FAM98A: variants seen among roughly 807,000 people sequenced by gnomAD.
The protein encoded by FAM98A is tRNA splicing ligase complex subunit 3A, also known as protein FAM98A.
Under a neutral mutation model 62.9 loss-of-function variants are expected in FAM98A, and 25 were observed. The observed-to-expected ratio is 0.40, with a 90% CI of 0.29 to 0.56. The LOEUF (loss-of-function observed/expected upper bound fraction) is 0.56. FAM98A is among the 20% of genes least tolerant of loss of function. FAM98A has a pLI of 0.51. For synonymous variants in FAM98A, 252 were observed against 228.6 expected (o/e 1.10, Z -0.92); for missense variants, 653 against 640.7 (o/e 1.02, Z -0.21).
chr2:33,597,984 T>C (rs1314855379), intron 1 of FAM98A, among the ~76,000 whole-genome samples: 2 of 152,212 alleles, frequency 1.3e-5, no homozygotes, highest in Non-Finnish European at 2.9e-5. Context: ...TGAATGACTT[T>C]AACATATGCC....
At chr2:33,587,652 A>G (rs1677585807) in intron 4 of FAM98A, 1 of 271,274 alleles carries the variant, frequency 3.7e-6, no homozygotes, top group Admixed American at 4.6e-5. Context: ...AAATTTGTGC[A>G]TCATGGTGCT....
chr2:33,586,900 T>G (rs928960164), intron 5 of FAM98A: 2 of 541,374 alleles, frequency 3.7e-6, no homozygotes, highest in Middle Eastern at 4.9e-4. Flanking sequence ...CAATTCTTAT[T>G]TATCTTTCCC....
At chr2:33,598,377 T>G (rs1677863801) in intron 1 of FAM98A, among the ~76,000 whole-genome samples, 1 of 152,214 alleles carries the variant, frequency 6.6e-6, no homozygotes, top group African/African-American at 2.4e-5. Context: ...GGGTCCACGT[T>G]CTCAAGTTTA....
At chr2:33,596,673 C>A (rs972612002) in intron 1 of FAM98A, among the ~76,000 whole-genome samples, 1 of 151,996 alleles carries the variant, frequency 6.6e-6, no homozygotes, top group Non-Finnish European at 1.5e-5. Context: ...AGGTGGATCA[C>A]GAGGTCAGGA....
intron 3 of FAM98A, chr2:33,591,870 G>GA (rs1300857384): frequency 4.7e-6 from 2 of 427,230 alleles, no homozygotes; most frequent in East Asian, 3.6e-5. Context: ...CTGAAATATT[G>GA]AAAGAGTATC....
Position 33,585,462 on chromosome 2 carries a change from T to C in FAM98A, c.889-18A>G, listed in dbSNP as rs781376821. The C allele has an allele frequency of 1.9e-5, 30 of 1,613,330 alleles. No homozygotes were observed. Among genetic ancestry groups the C allele is most frequent in the Middle Eastern group, 1.6e-4 (1 of 6,082 alleles). The stretch of plus-strand genomic sequence containing the variant: ...ATCAACACCTACAGAATAGGAAAGA[T>C]ATTTTAAACTTTTATTTTATGAACA... On this transcript the variant is annotated intron_variant, in intron 7 of 7. Transcript: ENST00000238823.
Position 33,587,675 on chromosome 2 carries a change from A to G in FAM98A, c.523-355T>C, listed in dbSNP as rs549852767. 314 of 233,582 alleles carry G rather than the reference A, an allele frequency of 1.3e-3. 1 individual carries two copies. Among genetic ancestry groups the G allele is most frequent in the African/African-American group, 6.5e-3 (292 of 45,194 alleles). The allele number at this position is 233,582 out of a possible 1,614,324, so 14.5% of individuals were successfully genotyped here. On this transcript the variant is annotated intron_variant, in intron 4 of 7. Transcript: ENST00000238823. ...GCATCATGGTGCTGGTCTACCCCAC[A>G]ATGCAAATGTACCAATTCTTAAGAG...
chr2:33,598,670 G>C (rs777162268), intron 1 of FAM98A, among the ~76,000 whole-genome samples: 1 of 152,132 alleles, frequency 6.6e-6, no homozygotes, highest in Non-Finnish European at 1.5e-5. Context: ...CCATACAAGT[G>C]GCTTAGCGAA....
intron 1 of FAM98A, among the ~76,000 whole-genome samples, chr2:33,595,846 C>T (rs1677800802): frequency 6.6e-6 from 1 of 152,088 alleles, no homozygotes; most frequent in Non-Finnish European, 1.5e-5. Flanking sequence ...GCATTTCAAC[C>T]TTTCAAAATG....
rs745936966 is a variant in FAM98A at position 33,585,188 on chromosome 2, C to A, written c.1145G>T (p.Gly382Val). ...GGGRGNKHQG[G>V]WTDGGSGGGG... ...TCCACCACTCCCTCCATCTGTCCAGCCTCCTTGATGCTTATTTCCTCTTCC... is the reference window on the plus strand; with the variant it reads ...TCCACCACTCCCTCCATCTGTCCAGACTCCTTGATGCTTATTTCCTCTTCC... The change falls in exon 8 of 8, where the codon GGC becomes GTC. Residue 382 changes from glycine (G) to valine (V), a missense_variant. Coordinates refer to ENST00000238823, the MANE Select transcript of FAM98A (RefSeq NM_015475.5). The A allele has an allele frequency of 5.0e-6, 8 of 1,614,130 alleles. 1 individual carries two copies. In the South Asian group the frequency reaches 8.8e-5, roughly 18 times the overall value.
rs1257367999 is a variant in FAM98A, at chr2:33,588,595, T to C, written c.338-76A>G. 9 of 1,167,692 alleles carry C rather than the reference T, an allele frequency of 7.7e-6. No homozygotes were observed. In the South Asian group the frequency reaches 1.0e-4, roughly 13 times the overall value. The allele number at this position is 1,167,692 out of a possible 1,614,324, so 72.3% of individuals were successfully genotyped here. On this transcript the variant is annotated intron_variant, in intron 3 of 7. Transcript: ENST00000238823. ...TCATAAGTCTGGAGTCACAACTATA[T>C]AGACCTATTGATATGTAACTGTTAA...
At chr2:33,596,870 C>T (rs1208182238) in intron 1 of FAM98A, among the ~76,000 whole-genome samples, 4 of 124,570 alleles carry the variant, frequency 3.2e-5, no homozygotes, top group Admixed American at 2.1e-4. Context: ...CCAGCCTGGG[C>T]GACAGAGCAA....
intron 2 of FAM98A, among the ~76,000 whole-genome samples, chr2:33,593,997 TGAC>T (rs1168005127): frequency 1.3e-5 from 2 of 152,168 alleles, no homozygotes; most frequent in Admixed American, 1.3e-4. Context: ...GCTCAGAACT[TGAC>T]TACTGTTCTG....
chr2:33,586,418 C>G, intron 6 of FAM98A, 144 bp downstream of exon 6: 1 of 536,878 alleles, frequency 1.9e-6, no homozygotes, highest in Non-Finnish European at 3.4e-6. Context: ...GTTGAAAGAG[C>G]CACTACTCAA....
In FAM98A at chr2:33,592,063, A is replaced by G. The variant is rs192903923; in HGVS notation, c.337+17T>C. On this transcript the variant is annotated intron_variant, in intron 3 of 7. Transcript: ENST00000238823. ...AAACAGAAAGTAATAGCTATATTCT[A>G]GTAGCCATGAACTTACTGAGCAAGA... 5 of 1,606,524 alleles carry G rather than the reference A, an allele frequency of 3.1e-6. No homozygotes were observed. The African/African-American group carries it at 6.7e-5, about 21-fold the overall frequency.
chr2:33,594,652 CACACATATATAT>C (rs1205670272), intron 2 of FAM98A, among the ~76,000 whole-genome samples: 1 of 86,576 alleles, frequency 1.2e-5, no homozygotes, highest in African/African-American at 7.9e-5. Flanking sequence ...TATATATATA[CACACATATATAT>C]ACACATATAT....
At chr2:33,585,855 G>C (rs1233641366) in intron 6 of FAM98A, among the ~76,000 whole-genome samples, 158 bp from the exon 7 acceptor site, 1 of 152,128 alleles carries the variant, frequency 6.6e-6, no homozygotes, top group Non-Finnish European at 1.5e-5. Context: ...CTCCTACATA[G>C]TCAAGAACTA....
chr2:33,598,161 A>C (rs138712220), intron 1 of FAM98A, among the ~76,000 whole-genome samples: 45 of 152,364 alleles, frequency 3.0e-4, no homozygotes, highest in African/African-American at 1.0e-3. Flanking sequence ...AAATAGGCAG[A>C]CTTTGGGAAT....
Position 33,585,143 on chromosome 2 carries a change from C to T in FAM98A, c.1190G>A (p.Gly397Asp), listed in dbSNP as rs564764052. Residue 397 changes from glycine (G) to aspartate (D), a missense_variant, in exon 8 of 8, where the codon GGT (glycine) becomes GAT (aspartate). By Grantham distance (94) the Gly-to-Asp change is moderately conservative. Transcript: ENST00000238823. Reference sequence around the variant, plus strand: ...CTGGAAACCTGAATCTCGATAACCACCATCTTGGTAGCCACCTCCTCCACC... The same window carrying T: ...CTGGAAACCTGAATCTCGATAACCATCATCTTGGTAGCCACCTCCTCCACC... ...GSGGGGGYQD[G>D]GYRDSGFQPG... The T allele has an allele frequency of 2.5e-6, 4 of 1,614,172 alleles. No individual in the cohort carries two copies. The highest frequency in any genetic ancestry group is 2.7e-5 in the African/African-American group (2 of 75,030).
Sources: gnomAD v4.1 joint callset for allele counts (sites outside exome capture counted in the v4.1 genomes callset) on GRCh38, gnomAD v4.1.1 for gene constraint, MANE v1.5 for transcripts, NCBI Gene and HGNC (gene_info 2026-07-23, HGNC 2026-07-21) for gene names.